Variants in PCDHA13 observed in about 807,000 individuals in gnomAD.
PCDHA13 encodes the protein protocadherin alpha 13, also known as protocadherin alpha-13.
PCDHA13 carries 54 observed loss-of-function variants against 64.8 expected under a neutral mutation model. The ratio of observed to expected loss-of-function variants is 0.83; its 90% CI spans 0.67 to 1.04. The LOEUF (loss-of-function observed/expected upper bound fraction) is 1.04, where lower values mean the gene tolerates loss of function less well. PCDHA13 is among the 50% of genes least tolerant of loss of function. The pLI is 0.00. For missense variants in PCDHA13, 1,248 were observed against 1,254.3 expected (o/e 0.99, Z 0.08); for synonymous variants, 587 against 564.4 (o/e 1.04, Z -0.57).
In PCDHA13 at chr5:140,883,615, C is replaced by A; in HGVS notation, c.1347C>A (p.Asn449Lys). ...ASVSVGVADV[N>K]DNAPAFAQPE... The stretch of plus-strand genomic sequence containing the variant: ...TGTCGGTGGGGGTGGCCGACGTGAA[C>A]GACAACGCGCCGGCGTTCGCGCAGC... Residue 449 changes from asparagine (N) to lysine (K), a missense_variant, in exon 1 of 4, where the codon AAC becomes AAA. Asn to Lys is a moderately conservative substitution (Grantham distance 94). Coordinates refer to ENST00000289272, the MANE Select transcript of PCDHA13 (RefSeq NM_018904.3). 2 of 1,613,938 alleles carry A rather than the reference C, an allele frequency of 1.2e-6. No individual in the cohort carries two copies. Among genetic ancestry groups the A allele is most frequent in the East Asian group, 2.2e-5 (1 of 44,864 alleles).
Position 140,982,566 on chromosome 5 carries a change from A to G in PCDHA13, c.2542+3A>G, listed in dbSNP as rs372784858. On this transcript the variant is annotated splice_donor_region_variant and intron_variant, in intron 3 of 3. Transcript: ENST00000289272. ...AACAGTATCCAGTGCAACACCAGGT[A>G]AAGAGCTGGGGTCTCTCCATTCTTT... 8 of 1,613,970 alleles carry G rather than the reference A, an allele frequency of 5.0e-6. No individual in the cohort carries two copies. The highest frequency in any genetic ancestry group is 6.8e-6 in the Non-Finnish European group (8 of 1,179,958).
intron 1 of PCDHA13, among the ~76,000 whole-genome samples, chr5:140,918,655 T>C (rs1248144760): frequency 6.6e-6 from 1 of 152,218 alleles, no homozygotes; most frequent in Non-Finnish European, 1.5e-5. Context: ...CTAATTCTCA[T>C]GTTGATGGTA....
intron 1 of PCDHA13, chr5:140,929,314 G>A: frequency 6.4e-7 from 1 of 1,560,184 alleles, no homozygotes; most frequent in Non-Finnish European, 8.7e-7. Flanking sequence ...TCACGCTAAT[G>A]TCAATGCCAT....
At chr5:140,951,767 G>A (rs561938687) in intron 1 of PCDHA13, among the ~76,000 whole-genome samples, 2 of 152,160 alleles carry the variant, frequency 1.3e-5, no homozygotes, top group South Asian at 2.1e-4. Context: ...ATCTCATGAC[G>A]TTCTTACATT....
intron 1 of PCDHA13, among the ~76,000 whole-genome samples, chr5:140,936,532 A>G (rs1431070462): frequency 6.6e-6 from 1 of 152,222 alleles, no homozygotes; most frequent in East Asian, 1.9e-4. Context: ...ATTGCTTTTG[A>G]ATATAGTGCA....
chr5:140,909,719 C>T (rs2074652522), intron 1 of PCDHA13, among the ~76,000 whole-genome samples: 1 of 152,130 alleles, frequency 6.6e-6, no homozygotes, highest in Non-Finnish European at 1.5e-5. Flanking sequence ...ATACCTATGC[C>T]AATTATGCAT....
At position 140,929,086 on chromosome 5, in the gene PCDHA13, G is replaced by A. The variant is rs899611580; in HGVS notation, c.2394+44424G>A. 2.5e-6 allele frequency: 4 copies of A among 1,614,158 alleles called. No individual in the cohort carries two copies. The South Asian group carries it at 4.4e-5, about 18-fold the overall frequency. On this transcript the variant is annotated intron_variant, in intron 1 of 3. Coordinates refer to ENST00000289272, the MANE Select transcript of PCDHA13 (RefSeq NM_018904.3). ...GGATCTGAGGTATGGAAGTAAGATG[G>A]TTTCAAATCCTTGCATGACATCAGC... is the stretch of plus-strand genomic sequence containing the variant.
intron 1 of PCDHA13, among the ~76,000 whole-genome samples, chr5:140,906,171 C>T (rs2072420841): frequency 6.6e-6 from 1 of 152,178 alleles, no homozygotes; most frequent in Non-Finnish European, 1.5e-5. Flanking sequence ...AGGAACAATA[C>T]TTTGCATCCT....
Position 140,884,440 on chromosome 5 carries a change from G to T in PCDHA13, c.2172G>T (p.Ser724=). ...TLLLYTALRC[S]APPTEGACAP... ...TGCTGTATACTGCGCTGCGGTGCTC[G>T]GCACCGCCCACCGAGGGCGCGTGCG... Residue 724 remains serine, a synonymous_variant, in exon 1 of 4, where the codon TCG becomes TCT. Transcript: ENST00000289272. 2 of 1,613,830 alleles carry T rather than the reference G, an allele frequency of 1.2e-6. No individual in the cohort carries two copies. The highest frequency in any genetic ancestry group is 1.7e-6 in the Non-Finnish European group (2 of 1,179,814).
rs116232949 is a variant in PCDHA13, at chr5:140,982,448, G to A, written c.2454-27G>A. The A allele has an allele frequency of 4.0e-3, 6,396 of 1,613,770 alleles. 180 individuals carry two copies. In the African/African-American group the frequency reaches 0.067, roughly 17 times the overall value. ...ATGGGAAAGAATTTATGATCTAACC[G>A]TTATCTGGGTCTGTGTGTTTATTCA... On this transcript the variant is annotated intron_variant, in intron 2 of 3. Coordinates refer to ENST00000289272, the MANE Select transcript of PCDHA13 (RefSeq NM_018904.3).
At chr5:140,911,709 G>A (rs1029382331) in intron 1 of PCDHA13, among the ~76,000 whole-genome samples, 1 of 151,822 alleles carries the variant, frequency 6.6e-6, no homozygotes, top group Non-Finnish European at 1.5e-5. Context: ...AATTTATTTT[G>A]TGTAACTCTG....
At chr5:140,905,383 A>G (rs576453128) in intron 1 of PCDHA13, among the ~76,000 whole-genome samples, 8 of 152,324 alleles carry the variant, frequency 5.3e-5, no homozygotes, top group African/African-American at 1.7e-4. Flanking sequence ...GTTCTGTTTC[A>G]TAGGTCTGTG....
At chr5:140,947,153 C>T (rs1306730368) in intron 1 of PCDHA13, among the ~76,000 whole-genome samples, 4 of 150,836 alleles carry the variant, frequency 2.7e-5, no homozygotes, top group African/African-American at 4.9e-5. Context: ...GTTACTTCCA[C>T]GGGGTAGAAA....
intron 2 of PCDHA13, 96 bp from the exon 3 acceptor site, chr5:140,982,379 C>T (rs959359344): frequency 1.4e-5 from 22 of 1,575,004 alleles, no homozygotes; most frequent in South Asian, 3.5e-5. Context: ...TAGCTGCAGC[C>T]CTGGCTTCAT....
At position 140,883,519 on chromosome 5, in the gene PCDHA13, C is replaced by T. The variant is rs1554178517; in HGVS notation, c.1251C>T (p.Ser417=). 7.4e-6 allele frequency: 12 copies of T among 1,614,190 alleles called. No homozygotes were observed. The highest frequency in any genetic ancestry group is 1.0e-5 in the Non-Finnish European group (12 of 1,180,038). The change falls in exon 1 of 4, where the codon AGC becomes AGT. Residue 417 remains serine (S), a synonymous_variant. Transcript: ENST00000289272. ...LVLDSALDRE[S]VSAYELVVTA... is the part of the protein sequence containing the mutation. ...TGGACAGCGCCCTGGACCGCGAGAG[C>T]GTATCAGCCTATGAACTGGTGGTGA...
chr5:140,917,030 G>A (rs1220107705), intron 1 of PCDHA13, among the ~76,000 whole-genome samples: 3 of 152,164 alleles, frequency 2.0e-5, no homozygotes, highest in Non-Finnish European at 4.4e-5. Context: ...GCTGCTGGCT[G>A]AGTCCAGCAC....
At chr5:140,985,818 C>T (rs1377098916) in intron 3 of PCDHA13, among the ~76,000 whole-genome samples, 1 of 142,038 alleles carries the variant, frequency 7.0e-6, no homozygotes, top group Non-Finnish European at 1.5e-5. Flanking sequence ...CAGCTCACAA[C>T]AAGCTCTGCC....
Position 141,009,850 on chromosome 5 carries a change from C to CAAGAAAAAG in PCDHA13, c.2781_2789dup (p.Lys928_Lys930dup). ...TAACCTTCGGCAAAAAGGAGGAGAC[C>CAAGAAAAAG]AAGAAAAAGAAGAAAAAGAAGAAGG... On this transcript the variant is annotated inframe_insertion, in exon 4 of 4. Coordinates refer to ENST00000289272, the MANE Select transcript of PCDHA13 (RefSeq NM_018904.3). The CAAGAAAAAG allele has an allele frequency of 1.2e-6, 2 of 1,613,572 alleles. No individual in the cohort carries two copies. Among genetic ancestry groups the CAAGAAAAAG allele is most frequent in the Non-Finnish European group, 1.7e-6 (2 of 1,179,906 alleles).
chr5:140,895,124 T>A (rs2064859568), intron 1 of PCDHA13, among the ~76,000 whole-genome samples: 1 of 152,196 alleles, frequency 6.6e-6, no homozygotes, highest in Non-Finnish European at 1.5e-5. Flanking sequence ...ATTTGTTAGT[T>A]GACAAGTTCA....
Sources: allele counts gnomAD v4.1 joint callset (sites outside exome capture counted in the v4.1 genomes callset), GRCh38; gene constraint gnomAD v4.1.1; transcripts MANE v1.5; gene names NCBI Gene and HGNC (gene_info 2026-07-23, HGNC 2026-07-21).